Variants in COPS7B observed in about 807,000 individuals in gnomAD.
COPS7B encodes COP9 signalosome subunit 7B, also known as COP9 signalosome complex subunit 7b.
COPS7B carries 9 observed loss-of-function variants against 33.4 expected under a neutral mutation model. The ratio of observed to expected loss-of-function variants is 0.27; its 90% CI spans 0.16 to 0.47. The LOEUF is 0.47. Among genes scored for constraint, COPS7B ranks in the 20% least tolerant of loss-of-function variants. The pLI is 0.99. For missense variants in COPS7B, 242 were observed against 318.2 expected (o/e 0.76, Z 1.82); for synonymous variants, 119 against 126.3 (o/e 0.94, Z 0.39).
chr2:231,798,752 A>T (rs1429702321), intron 5 of COPS7B, 107 bp from the exon 6 acceptor site: 2 of 796,746 alleles, frequency 2.5e-6, no homozygotes, highest in Non-Finnish European at 4.1e-6. Flanking sequence ...GTATTAAAGG[A>T]GGTCCCTGTA....
In COPS7B at chr2:231,788,161, C is replaced by T. The variant is rs1284787324; in HGVS notation, c.-16-394C>T. ...GTTTTTTTTTTTTTTTTTTTTGAGA[C>T]AGTCTCGCTCTGTTGCCCAGGCTGG... On this transcript the variant is annotated intron_variant, in intron 1 of 6. Coordinates refer to ENST00000350033, the MANE Select transcript of COPS7B (RefSeq NM_022730.4). Among the ~76,000 whole-genome samples, 12 of 121,506 alleles carry T rather than the reference C, an allele frequency of 9.9e-5. No homozygotes were observed. In the East Asian group the frequency reaches 2.8e-3, roughly 29 times the overall value. The allele number at this position is 121,506 out of a possible 152,430, so 79.7% of individuals were successfully genotyped here. A position where few individuals can be genotyped will look rare whatever the true frequency, so the allele number is the denominator to read the frequency against.
chr2:231,794,437 A>T, intron 4 of COPS7B, 86 bp downstream of exon 4: 4 of 1,050,242 alleles, frequency 3.8e-6, no homozygotes, highest in Non-Finnish European at 5.7e-6. Context: ...CCAGCTGCAC[A>T]TAGGAGAGTC....
chr2:231,793,953 T>C (rs942750269), intron 3 of COPS7B: 1 of 317,116 alleles, frequency 3.2e-6, no homozygotes, highest in South Asian at 3.6e-5. Flanking sequence ...AGATGCTCGA[T>C]GAAGATATGT....
chr2:231,792,631 C>G (rs567443739), intron 3 of COPS7B, among the ~76,000 whole-genome samples: 1 of 152,120 alleles, frequency 6.6e-6, no homozygotes, highest in South Asian at 2.1e-4. Flanking sequence ...TTGTTTCTTC[C>G]CACTTACAAA....
At chr2:231,786,671 G>T (rs1427311192) in intron 1 of COPS7B, 133 bp downstream of exon 1, 3 of 260,476 alleles carry the variant, frequency 1.2e-5, no homozygotes, top group Non-Finnish European at 1.8e-5. Context: ...AGCGCGTCCC[G>T]CGGCTCCTCA....
At chr2:231,787,461 C>A (rs919014621) in intron 1 of COPS7B, among the ~76,000 whole-genome samples, 2 of 152,188 alleles carry the variant, frequency 1.3e-5, no homozygotes, top group Non-Finnish European at 2.9e-5. Flanking sequence ...CCTGTACACT[C>A]AGCGTGTAAT....
At chr2:231,804,397 G>A (rs1000938847) in intron 6 of COPS7B, among the ~76,000 whole-genome samples, 19 of 152,028 alleles carry the variant, frequency 1.2e-4, no homozygotes, top group African/African-American at 4.6e-4. Context: ...ACAGGTGCCC[G>A]CCACGTCACC....
At chr2:231,803,316 A>AT (rs1559374721) in intron 6 of COPS7B, among the ~76,000 whole-genome samples, 1 of 152,132 alleles carries the variant, frequency 6.6e-6, no homozygotes, top group Non-Finnish European at 1.5e-5. Context: ...ACAGAAGGGC[A>AT]TAGGGGGAAT....
intron 2 of COPS7B, chr2:231,790,105 T>C (rs2049369357): frequency 6.6e-6 from 1 of 151,794 alleles, no homozygotes; most frequent in South Asian, 2.1e-4. Flanking sequence ...GGAAAATGAG[T>C]TTTATGAAGA....
chr2:231,787,073 G>C lies in COPS7B; in HGVS notation c.-17+535G>C, dbSNP rs536193985. 2.6e-5 allele frequency among the ~76,000 whole-genome samples: 4 copies of C among 151,948 alleles called. No individual in the cohort carries two copies. The South Asian group carries it at 8.3e-4, about 32-fold the overall frequency. ...TCTCTTCACACGGGTCCTCTTGGAA[G>C]GGCCTTTTCGCTCCTTCCCTCTTTA... On this transcript the variant is annotated intron_variant, in intron 1 of 6. Coordinates refer to ENST00000350033, the MANE Select transcript of COPS7B (RefSeq NM_022730.4).
At chr2:231,789,140 G>A (rs916272476) in intron 2 of COPS7B, 9 of 174,704 alleles carry the variant, frequency 5.2e-5, no homozygotes, top group Admixed American at 4.9e-4. Context: ...ACATAAGATG[G>A]ACATGAATAG....
At chr2:231,782,004 T>C, upstream of COPS7B, 1 of 916,296 alleles carries the variant, frequency 1.1e-6, no homozygotes, top group East Asian at 2.6e-5. Flanking sequence ...CAGGGTTTTT[T>C]GCTGTATTCC....
At chr2:231,803,006 T>G (rs1350087629) in intron 6 of COPS7B, among the ~76,000 whole-genome samples, 1 of 152,246 alleles carries the variant, frequency 6.6e-6, no homozygotes, top group Non-Finnish European at 1.5e-5. Flanking sequence ...AGAAGCCCTC[T>G]TTTCCTCTGC....
chr2:231,795,999 T>C, intron 4 of COPS7B, 107 bp from the exon 5 acceptor site: 1 of 818,162 alleles, frequency 1.2e-6, no homozygotes, highest in Non-Finnish European at 2.0e-6. Flanking sequence ...ACCACTAGCC[T>C]GCGTTTCCCG....
At chr2:231,795,854 G>A (rs2049551804) in intron 4 of COPS7B, among the ~76,000 whole-genome samples, 1 of 152,162 alleles carries the variant, frequency 6.6e-6, no homozygotes, top group Non-Finnish European at 1.5e-5. Flanking sequence ...CTACAAGTAT[G>A]CTGCAGCATG....
chr2:231,796,130 A>C lies in COPS7B; in HGVS notation c.352A>C (p.Lys118Gln), dbSNP rs368683105. 2.4e-5 allele frequency: 38 copies of C among 1,613,938 alleles called. No individual in the cohort carries two copies. Among genetic ancestry groups the C allele is most frequent in the Middle Eastern group, 1.6e-4 (1 of 6,084 alleles). Residue 118 changes from lysine to glutamine, a missense_variant, in exon 5 of 7, where the codon AAA becomes CAA. Transcript: ENST00000350033. ...GTGTATCCCCTACTCCGTGTTGCTG[A>C]AAGACCTGGAGATGCGGAATCTCCG... Reference protein sequence around the residue: ...MKCIPYSVLLKDLEMRNLREL... With the variant: ...MKCIPYSVLLQDLEMRNLREL...
At chr2:231,794,201 C>T in intron 3 of COPS7B, 62 bp from the exon 4 acceptor site, 2 of 1,405,606 alleles carry the variant, frequency 1.4e-6, no homozygotes, top group Non-Finnish European at 2.0e-6. Flanking sequence ...TGAGCTTATT[C>T]CATAAAAGAA....
chr2:231,795,618 C>T (rs566349048), intron 4 of COPS7B, among the ~76,000 whole-genome samples: 7 of 152,204 alleles, frequency 4.6e-5, no homozygotes, highest in Non-Finnish European at 1.0e-4. Flanking sequence ...AGGGTGACAT[C>T]TGAGCTGGCA....
intron 6 of COPS7B, among the ~76,000 whole-genome samples, chr2:231,802,700 G>A (rs970209408): frequency 6.6e-6 from 1 of 152,224 alleles, no homozygotes; most frequent in African/African-American, 2.4e-5. Context: ...GGTTTAATTG[G>A]TTGACCTACC....
Sources: gnomAD v4.1 joint callset for allele counts (sites outside exome capture counted in the v4.1 genomes callset) on GRCh38, gnomAD v4.1.1 for gene constraint, MANE v1.5 for transcripts, NCBI Gene and HGNC (gene_info 2026-07-23, HGNC 2026-07-21) for gene names.